Variants in FAM184A observed in about 807,000 individuals in gnomAD.
FAM184A encodes family with sequence similarity 184 member A.
A neutral mutation model predicts 143.8 loss-of-function variants in FAM184A; 99 were observed. The observed-to-expected ratio is 0.69, with a 90% CI of 0.58 to 0.81. The LOEUF (loss-of-function observed/expected upper bound fraction) is 0.81, where lower values mean the gene tolerates loss of function less well. Among genes scored for constraint, FAM184A ranks in the 40% least tolerant of loss-of-function variants. The pLI is 0.00. For missense variants in FAM184A, 1,217 were observed against 1,310.5 expected, an observed-to-expected ratio of 0.93 and a Z score of 1.10; for synonymous variants, 427 against 446.4, an observed-to-expected ratio of 0.96 and a Z score of 0.55.
At chr6:118,962,189 T>C (rs1236423262) in intron 16 of FAM184A, 2 of 542,594 alleles carry the variant, frequency 3.7e-6, no homozygotes, top group Non-Finnish European at 6.6e-6. Context: ...GCAGAAAGAA[T>C]GAGGAAGAAA....
Position 118,970,008 on chromosome 6 carries a change from A to ATATATATATTTT in FAM184A, c.2916-3057_2916-3056insAAAATATATATA. On this transcript the variant is annotated intron_variant, in intron 14 of 17. Coordinates refer to ENST00000338891, the MANE Select transcript of FAM184A (RefSeq NM_024581.6). ...ATATATATATAATATATATATATAT[A>ATATATATATTTT]TTTTTTTTTTTTTGAGATGGAGTTT... Among the ~76,000 whole-genome samples the ATATATATATTTT allele has an allele frequency of 1.4e-3, 26 of 19,044 alleles. 3 individuals are homozygous for ATATATATATTTT. The highest frequency in any genetic ancestry group is 6.1e-3 in the East Asian group (2 of 330). The allele number at this position is 19,044 out of a possible 152,430, so 12.5% of individuals were successfully genotyped here.
intron 1 of FAM184A, among the ~76,000 whole-genome samples, chr6:119,106,229 A>G (rs1427044503): frequency 1.1e-5 from 1 of 87,322 alleles, no homozygotes; most frequent in Admixed American, 1.4e-4. Context: ...CGTCTCTACT[A>G]AAAATACAAA....
At chr6:119,090,194 T>C (rs1454660391) in intron 1 of FAM184A, among the ~76,000 whole-genome samples, 1 of 152,204 alleles carries the variant, frequency 6.6e-6, no homozygotes, top group Non-Finnish European at 1.5e-5. Flanking sequence ...GAAGGACACA[T>C]TGTTGAGTTG....
At position 118,964,782 on chromosome 6, in the gene FAM184A, G is replaced by T. The variant is rs751596500; in HGVS notation, c.3034-11C>A. ...AAACTTATTATCCTCCTATGCAAAA[G>T]AATTATAAACATCTTTTAAATATTT... On this transcript the variant is annotated splice_polypyrimidine_tract_variant and intron_variant, in intron 15 of 17. Coordinates refer to ENST00000338891, the MANE Select transcript of FAM184A (RefSeq NM_024581.6). The T allele has an allele frequency of 4.4e-6, 6 of 1,369,602 alleles. No homozygotes were observed. Among genetic ancestry groups the T allele is most frequent in the South Asian group, 1.2e-5 (1 of 82,918 alleles). The allele number at this position is 1,369,602 out of a possible 1,614,324, so 84.8% of individuals were successfully genotyped here. A position where few individuals can be genotyped will look rare whatever the true frequency, so the allele number is the denominator to read the frequency against.
At chr6:119,092,698 G>A (rs1426216726) in intron 1 of FAM184A, among the ~76,000 whole-genome samples, 2 of 151,140 alleles carry the variant, frequency 1.3e-5, no homozygotes, top group African/African-American at 4.9e-5. Flanking sequence ...ATATATATAT[G>A]TTTATGATGT....
At position 118,964,667 on chromosome 6, in the gene FAM184A, C is replaced by T. The variant is rs781565620; in HGVS notation, c.3138G>A (p.Lys1046=). The T allele has an allele frequency of 6.4e-7, 1 of 1,562,864 alleles. No individual in the cohort carries two copies. The highest frequency in any genetic ancestry group is 8.8e-7 in the Non-Finnish European group (1 of 1,137,148). The change falls in exon 16 of 18, where the codon AAG becomes AAA. Residue 1046 remains lysine, a splice_region_variant and synonymous_variant. Coordinates refer to ENST00000338891, the MANE Select transcript of FAM184A (RefSeq NM_024581.6). ...ATTCTACAGTGTTTACGGCACATAC[C>T]TTAGCCAATGGATTAATAACACCAA... ...PTVGVINPLA[K]QKKKNDKSPT... is the part of the protein sequence containing the mutation.
At chr6:119,108,353 T>C (rs1243354972) in intron 1 of FAM184A, among the ~76,000 whole-genome samples, 2 of 152,086 alleles carry the variant, frequency 1.3e-5, no homozygotes, top group Non-Finnish European at 2.9e-5. Flanking sequence ...AACTCGAGTC[T>C]CTTCTCTCTT....
rs1328465833 is a variant in FAM184A at position 119,125,570 on chromosome 6, C to G, written c.-202+23508G>C. Among the ~76,000 whole-genome samples the G allele has an allele frequency of 2.0e-5, 3 of 152,192 alleles. 1 individual carries two copies. Among genetic ancestry groups the G allele is most frequent in the Admixed American group, 2.0e-4 (3 of 15,276 alleles). ...TATTTCCTTATTTTAAAGCTCATTT[C>G]TTTACATTCATTGAAGAGTTGGTTA... On this transcript the variant is annotated intron_variant, in intron 1 of 16. Transcript: ENST00000352896.
intron 1 of FAM184A, chr6:119,031,510 C>G (rs1409403702): frequency 6.6e-6 from 1 of 152,222 alleles, no homozygotes; most frequent in Non-Finnish European, 1.5e-5. Flanking sequence ...AGCTCCCAGA[C>G]TGTAAGAAAT....
chr6:119,025,443 A>G (rs773614723), intron 1 of FAM184A: 5 of 518,588 alleles, frequency 9.6e-6, no homozygotes, highest in African/African-American at 3.9e-5. Context: ...TTTTCTCTTC[A>G]TATTTCAAAT....
intron 6 of FAM184A, 110 bp downstream of exon 6, chr6:119,011,199 A>G: frequency 1.2e-6 from 1 of 865,030 alleles, no homozygotes; most frequent in Non-Finnish European, 1.7e-6. Flanking sequence ...AATTATTTTT[A>G]TTCTAGATAT....
At chr6:119,008,172 A>G (rs1008012387) in intron 6 of FAM184A, among the ~76,000 whole-genome samples, 25 of 152,226 alleles carry the variant, frequency 1.6e-4, no homozygotes, top group Non-Finnish European at 5.9e-5. Context: ...TTGTCTCCCA[A>G]TAACAAAATC....
intron 1 of FAM184A, among the ~76,000 whole-genome samples, chr6:119,118,056 G>A (rs903147367): frequency 5.9e-5 from 9 of 152,182 alleles, no homozygotes; most frequent in African/African-American, 2.2e-4. Context: ...TTTGCTTTCT[G>A]GATTGCTGTA....
At chr6:119,031,785 G>T (rs1429346539) in intron 1 of FAM184A, among the ~76,000 whole-genome samples, 2 of 152,074 alleles carry the variant, frequency 1.3e-5, no homozygotes, top group Non-Finnish European at 2.9e-5. Context: ...CTAAGGTAAG[G>T]GAATCACTGA....
chr6:119,138,648 C>T (rs1055389580), intron 1 of FAM184A, among the ~76,000 whole-genome samples: 6 of 150,900 alleles, frequency 4.0e-5, no homozygotes, highest in South Asian at 2.1e-4. Context: ...ATTTTTGAGA[C>T]GGAGTTTGGT....
At chr6:119,081,547 C>A (rs1457080725), upstream of FAM184A, among the ~76,000 whole-genome samples, 1 of 152,174 alleles carries the variant, frequency 6.6e-6, no homozygotes, top group Non-Finnish European at 1.5e-5. Context: ...TTCAATTAGA[C>A]CCCTGCCTTA....
At chr6:119,078,704 A>T (rs1582595629), upstream of FAM184A, 1 of 155,962 alleles carries the variant, frequency 6.4e-6, no homozygotes, top group Non-Finnish European at 1.4e-5. This position sits in a 1 kb window ranked among gnomAD's most constrained non-coding sequence, Gnocchi z 5.5. Context: ...CGGCGGGGAT[A>T]GGCGGGGACA....
At chr6:118,989,673 T>C (rs2114607268) in intron 9 of FAM184A, among the ~76,000 whole-genome samples, 1 of 150,526 alleles carries the variant, frequency 6.6e-6, no homozygotes, top group South Asian at 2.1e-4. Context: ...TGTACATCAC[T>C]AGTTAATTTT....
intron 1 of FAM184A, among the ~76,000 whole-genome samples, chr6:119,129,112 AG>A (rs576451232): frequency 2.0e-4 from 30 of 152,332 alleles, no homozygotes; most frequent in South Asian, 1.2e-3. Context: ...ATAACCTGGA[AG>A]CCCCTCTCTC....
Sources: gnomAD v4.1 joint callset for allele counts (sites outside exome capture counted in the v4.1 genomes callset) on GRCh38, gnomAD v4.1.1 for gene constraint, Gnocchi (gnomAD v3.1) non-coding constraint, MANE v1.5 for transcripts, NCBI Gene and HGNC (gene_info 2026-07-23, HGNC 2026-07-21) for gene names.